Variants in STAB2 observed in about 807,000 individuals in gnomAD.
STAB2 encodes the protein stabilin-2.
A neutral mutation model predicts 338.1 loss-of-function variants in STAB2; 288 were observed. The ratio of observed to expected loss-of-function variants is 0.85; its 90% CI spans 0.77 to 0.94. The LOEUF (loss-of-function observed/expected upper bound fraction) is 0.94. STAB2 is among the 40% of genes least tolerant of loss of function. STAB2 has a pLI of 0.00. For synonymous variants in STAB2, 1,202 were observed against 1,193.3 expected, an observed-to-expected ratio of 1.01 and a Z score of -0.15; for missense variants, 3,141 against 3,210.1, an observed-to-expected ratio of 0.98 and a Z score of 0.52.
intron 40 of STAB2, 108 bp from the exon 41 acceptor site, chr12:103,712,259 T>C: frequency 2.4e-6 from 2 of 847,104 alleles, no homozygotes; most frequent in South Asian, 2.7e-5. Flanking sequence ...CTTATGAGTG[T>C]CTCATGGGGG....
rs148702625 is a variant in STAB2, at chr12:103,689,903, T to C, written c.3103T>C (p.Ser1035Pro). Residue 1035 changes from serine (S) to proline (P), a missense_variant, in exon 29 of 69, where the codon TCC becomes CCC. Coordinates refer to ENST00000388887, the MANE Select transcript of STAB2 (RefSeq NM_017564.10). ...ATSNLTVLVP[S>P]QQATEDMDQD... ...CTCAAACCTCACTGTCCTCGTGCCT[T>C]CCCAACAAGCTACTGAGGACATGGA... The C allele has an allele frequency of 1.4e-4, 222 of 1,614,054 alleles. 1 individual carries two copies. Among genetic ancestry groups the C allele is most frequent in the Non-Finnish European group, 2.3e-5 (27 of 1,180,018 alleles).
At chr12:103,744,998 G>A (rs1882903467) in intron 56 of STAB2, among the ~76,000 whole-genome samples, 175 bp from the exon 57 acceptor site, 1 of 152,116 alleles carries the variant, frequency 6.6e-6, no homozygotes, top group Non-Finnish European at 1.5e-5. Context: ...GCAGTGCCTG[G>A]CCTGTGATAG....
At chr12:103,740,571 C>A in intron 54 of STAB2, 59 bp from the exon 55 acceptor site, 2 of 1,576,776 alleles carry the variant, frequency 1.3e-6, no homozygotes, top group South Asian at 2.4e-5. Context: ...CAGACTAGAG[C>A]CCCAGAGCCC....
chr12:103,694,991 T>C lies in STAB2; in HGVS notation c.3376-559T>C, dbSNP rs181573861. On this transcript the variant is annotated intron_variant, in intron 31 of 68. Coordinates refer to ENST00000388887, the MANE Select transcript of STAB2 (RefSeq NM_017564.10). ...GCTGTGTGTCTGCAGAAATTCAGAC[T>C]GATTTTTTTTAAAGGCAATCTAAAT... Among the ~76,000 whole-genome samples, 519 of 151,910 alleles carry C rather than the reference T, an allele frequency of 3.4e-3. 2 individuals are homozygous for C. Among genetic ancestry groups the C allele is most frequent in the African/African-American group, 0.012 (491 of 41,492 alleles).
chr12:103,711,071 C>T (rs530927845), intron 39 of STAB2, among the ~76,000 whole-genome samples: 1 of 151,884 alleles, frequency 6.6e-6, no homozygotes, highest in African/African-American at 2.4e-5. Context: ...TGATGAAAAC[C>T]GGGAATAAAG....
Position 103,670,788 on chromosome 12 carries a change from C to G in STAB2, c.2352C>G (p.Tyr784Ter), listed in dbSNP as rs200941853. Residue 784 changes from tyrosine to a stop codon, truncating the protein, a stop_gained, in exon 22 of 69, where the codon TAC becomes TAG. Coordinates refer to ENST00000388887, the MANE Select transcript of STAB2 (RefSeq NM_017564.10). LOFTEE classifies it high-confidence loss of function. ...AGTTCTGCTCTGATCCCAATAAATACGGACCTCGGTGTAACAAAAGTAAGT... is the reference window on the plus strand; with the variant it reads ...AGTTCTGCTCTGATCCCAATAAATAGGGACCTCGGTGTAACAAAAGTAAGT... ...QCQFCSDPNK[Y>*]GPRCNKKCLC... 2.5e-6 allele frequency: 4 copies of G among 1,613,792 alleles called. No homozygotes were observed. In the South Asian group the frequency reaches 4.4e-5, roughly 18 times the overall value.
chr12:103,640,781 T>C (rs1046872382), intron 9 of STAB2, among the ~76,000 whole-genome samples: 1 of 152,212 alleles, frequency 6.6e-6, no homozygotes, highest in Non-Finnish European at 1.5e-5. Flanking sequence ...GAAGATGGTA[T>C]TTGGACTAAA....
chr12:103,685,440 G>A (rs1444023169), intron 27 of STAB2, among the ~76,000 whole-genome samples: 2 of 149,124 alleles, frequency 1.3e-5, no homozygotes, highest in African/African-American at 5.0e-5. Flanking sequence ...GTGTGTGTGT[G>A]TGTGTGTGTG....
In STAB2 at chr12:103,745,215, C is replaced by T. The variant is rs373597069; in HGVS notation, c.6074C>T (p.Thr2025Met). The T allele has an allele frequency of 1.8e-5, 29 of 1,613,916 alleles. No homozygotes were observed. Among genetic ancestry groups the T allele is most frequent in the Middle Eastern group, 1.6e-4 (1 of 6,082 alleles). The stretch of plus-strand genomic sequence containing the variant: ...CACGGACAGTGCGATGATGGCATCA[C>T]GGGCTCCGGGCAGTGCCTCTGTGAA... The part of the protein sequence containing the change: ...SDHGQCDDGI[T>M]GSGQCLCETG... The change falls in exon 57 of 69, where the codon ACG becomes ATG. Residue 2025 changes from threonine to methionine, a missense_variant. Transcript: ENST00000388887.
intron 8 of STAB2, 52 bp downstream of exon 8, chr12:103,638,264 A>G (rs1309990909): frequency 1.3e-6 from 2 of 1,557,030 alleles, no homozygotes; most frequent in Non-Finnish European, 8.7e-7. Flanking sequence ...ACAAGCCACT[A>G]TGTGTCACAG....
chr12:103,764,478 AC>A (rs911316211), intron 68 of STAB2, among the ~76,000 whole-genome samples: 2 of 152,042 alleles, frequency 1.3e-5, no homozygotes, highest in African/African-American at 2.4e-5. Flanking sequence ...ATCCAGGGGG[AC>A]CCCTTGGCAG....
At chr12:103,681,000 G>A (rs76968978) in intron 25 of STAB2, among the ~76,000 whole-genome samples, 2,264 of 152,340 alleles carry the variant, frequency 0.015, 51 homozygotes, top group African/African-American at 0.051. Flanking sequence ...GATCTTGTGC[G>A]AGGCGACAGA....
intron 3 of STAB2, among the ~76,000 whole-genome samples, chr12:103,620,103 CTG>C (rs1418825181): frequency 3.9e-5 from 6 of 152,318 alleles, no homozygotes; most frequent in African/African-American, 1.4e-4. Context: ...AACTTACAAA[CTG>C]TGAGACCTTG....
chr12:103,736,133 T>C (rs1011435456), intron 52 of STAB2, among the ~76,000 whole-genome samples: 1 of 152,220 alleles, frequency 6.6e-6, no homozygotes, highest in Non-Finnish European at 1.5e-5. Context: ...AAAGCCAAAA[T>C]CCTGTGACTT....
intron 57 of STAB2, 36 bp downstream of exon 57, chr12:103,745,313 G>T: frequency 6.3e-7 from 1 of 1,586,138 alleles, no homozygotes. Flanking sequence ...TGGCAGCCCA[G>T]GGCTGCAGTG....
At position 103,715,824 on chromosome 12, in the gene STAB2, C is replaced by T. The variant is rs141419387; in HGVS notation, c.4547C>T (p.Pro1516Leu). Residue 1516 changes from proline to leucine, a missense_variant, in exon 43 of 69, where the codon CCG (proline) becomes CTG (leucine). Transcript: ENST00000388887. ...GCTTTTTGTTTTAAAGAAATCAACC[C>T]GTGTTTGGAGAACCATGGTGGCTGT... ...GDGIVCLEINPCLENHGGCDK... is the reference protein window; with the variant it reads ...GDGIVCLEINLCLENHGGCDK... 66 of 1,613,928 alleles carry T rather than the reference C, an allele frequency of 4.1e-5. No homozygotes were observed. Among genetic ancestry groups the T allele is most frequent in the Admixed American group, 1.8e-4 (11 of 60,000 alleles).
intron 6 of STAB2, 73 bp downstream of exon 6, chr12:103,631,766 C>G: frequency 6.9e-7 from 1 of 1,452,636 alleles, no homozygotes; most frequent in East Asian, 2.3e-5. Flanking sequence ...AATTTTGTAT[C>G]TGTTACTGGT....
chr12:103,612,335 A>G (rs1249425869), intron 3 of STAB2, among the ~76,000 whole-genome samples: 1 of 152,154 alleles, frequency 6.6e-6, no homozygotes, highest in Non-Finnish European at 1.5e-5. Flanking sequence ...TCAGACGTAG[A>G]TTTGGTCTTT....
intron 29 of STAB2, 126 bp from the exon 30 acceptor site, chr12:103,690,297 GT>G: frequency 1.2e-6 from 1 of 847,848 alleles, no homozygotes; most frequent in Non-Finnish European, 1.8e-6. Context: ...GCCAAGGCTG[GT>G]AACTGCAGGG....
Sources: allele counts gnomAD v4.1 joint callset (sites outside exome capture counted in the v4.1 genomes callset), GRCh38; gene constraint gnomAD v4.1.1; transcripts MANE v1.5; gene names NCBI Gene and HGNC (gene_info 2026-07-23, HGNC 2026-07-21).